The following PARD3 variants were observed in gnomAD, a reference collection of about 807,000 sequenced individuals.
PARD3 encodes partitioning defective 3 homolog.
A neutral mutation model predicts 155.4 loss-of-function variants in PARD3; 75 were observed. That is an observed-to-expected ratio of 0.48 (90% CI 0.40 to 0.58). The LOEUF (loss-of-function observed/expected upper bound fraction) is 0.58, where lower values mean the gene tolerates loss of function less well. PARD3 is among the 20% of genes least tolerant of loss of function. The pLI is 0.00. For synonymous variants in PARD3, 576 were observed against 610.5 expected (o/e 0.94, Z 0.83); for missense variants, 1,642 against 1,721.7 (o/e 0.95, Z 0.82).
intron 1 of PARD3, among the ~76,000 whole-genome samples, chr10:34,755,769 C>CT (rs72386420): frequency 6.6e-5 from 10 of 151,792 alleles, no homozygotes; most frequent in African/African-American, 1.2e-4. Flanking sequence ...ATATAACATG[C>CT]TTTTTTTTGC....
chr10:34,710,916 G>A (rs1257964893), intron 1 of PARD3, among the ~76,000 whole-genome samples: 5 of 152,040 alleles, frequency 3.3e-5, no homozygotes, highest in Non-Finnish European at 5.9e-5. Context: ...TAACTGGCAC[G>A]CATAACCTCA....
chr10:34,688,853 A>G (rs975764517), intron 2 of PARD3, among the ~76,000 whole-genome samples: 3 of 152,158 alleles, frequency 2.0e-5, no homozygotes, highest in African/African-American at 4.8e-5. Flanking sequence ...TCCCCTCCAT[A>G]AAAAATAAGT....
chr10:34,684,205 T>C (rs1411336166), intron 2 of PARD3, among the ~76,000 whole-genome samples: 1 of 152,118 alleles, frequency 6.6e-6, no homozygotes, highest in Non-Finnish European at 1.5e-5. Context: ...GAATATGGAG[T>C]GGACAGTGAA....
chr10:34,614,826 C>A (rs906152866), intron 2 of PARD3, among the ~76,000 whole-genome samples: 11 of 152,062 alleles, frequency 7.2e-5, no homozygotes, highest in Non-Finnish European at 1.5e-4. Flanking sequence ...CCTCAAATAG[C>A]CAAAGTGACA....
intron 22 of PARD3, among the ~76,000 whole-genome samples, chr10:34,190,915 C>T (rs1950678414): frequency 6.6e-6 from 1 of 151,968 alleles, no homozygotes; most frequent in Non-Finnish European, 1.5e-5. Flanking sequence ...CTCGCGGGTC[C>T]TGTAGTTCAA....
chr10:34,601,109 C>A (rs1382425797), intron 2 of PARD3, among the ~76,000 whole-genome samples: 1 of 151,064 alleles, frequency 6.6e-6, no homozygotes, highest in African/African-American at 2.4e-5. Context: ...TTGTGCCAAG[C>A]CTAAATTTTA....
intron 22 of PARD3, among the ~76,000 whole-genome samples, chr10:34,155,996 A>G (rs1468366791): frequency 6.6e-6 from 1 of 152,054 alleles, no homozygotes; most frequent in Non-Finnish European, 1.5e-5. Context: ...GGCTGCTCCC[A>G]CTCTGATAAT....
chr10:34,754,155 C>T (rs998642007), intron 1 of PARD3, among the ~76,000 whole-genome samples: 4 of 152,140 alleles, frequency 2.6e-5, no homozygotes, highest in Non-Finnish European at 5.9e-5. Context: ...ACTATAAACA[C>T]ATGCCACCAT....
At chr10:34,162,107 G>A (rs142415634) in intron 22 of PARD3, among the ~76,000 whole-genome samples, 79 of 151,078 alleles carry the variant, frequency 5.2e-4, no homozygotes, top group African/African-American at 1.9e-3. Context: ...AAGAATCTCC[G>A]ACCCACCCCC....
intron 2 of PARD3, among the ~76,000 whole-genome samples, chr10:34,657,073 C>T (rs886211207): frequency 6.6e-6 from 1 of 152,076 alleles, no homozygotes; most frequent in Non-Finnish European, 1.5e-5. Context: ...TCAAATAAGG[C>T]CCAGGTCTGT....
At chr10:34,767,139 C>T (rs1838202881) in intron 1 of PARD3, among the ~76,000 whole-genome samples, 1 of 152,130 alleles carries the variant, frequency 6.6e-6, no homozygotes, top group Non-Finnish European at 1.5e-5. Context: ...ATATTCAGCA[C>T]CCACTATGGG....
chr10:34,755,976 A>G (rs1314595201), intron 1 of PARD3, among the ~76,000 whole-genome samples: 2 of 151,968 alleles, frequency 1.3e-5, no homozygotes, highest in East Asian at 3.9e-4. Flanking sequence ...AACCATGAAG[A>G]TGCCCATGGT....
intron 1 of PARD3, among the ~76,000 whole-genome samples, chr10:34,807,407 A>G (rs1843543951): frequency 6.6e-6 from 1 of 152,108 alleles, no homozygotes; most frequent in African/African-American, 2.4e-5. Flanking sequence ...ATAACCATAA[A>G]CTCCATCCAT....
chr10:34,686,152 G>T (rs755355869), intron 2 of PARD3, among the ~76,000 whole-genome samples: 54 of 152,242 alleles, frequency 3.5e-4, no homozygotes, highest in Middle Eastern at 6.8e-3. Flanking sequence ...AACTACAATT[G>T]TTACAAATGT....
intron 1 of PARD3, among the ~76,000 whole-genome samples, chr10:34,791,129 G>A (rs1262361593): frequency 1.3e-5 from 2 of 152,214 alleles, no homozygotes; most frequent in African/African-American, 4.8e-5. Flanking sequence ...TCCAGTAAGA[G>A]CATTCAAAAC....
chr10:34,144,957 G>A (rs1588919713), intron 22 of PARD3, among the ~76,000 whole-genome samples: 1 of 151,748 alleles, frequency 6.6e-6, no homozygotes, highest in Non-Finnish European at 1.5e-5. Flanking sequence ...GCACACATTC[G>A]GTGGCTGCCT....
At chr10:34,304,455 T>A (rs999758594) in intron 20 of PARD3, among the ~76,000 whole-genome samples, 3 of 152,198 alleles carry the variant, frequency 2.0e-5, no homozygotes, top group Non-Finnish European at 4.4e-5. Flanking sequence ...ACTTCTGCAT[T>A]TCCAAGCTAG....
chr10:34,785,460 A>G (rs1564617747), intron 1 of PARD3, among the ~76,000 whole-genome samples: 1 of 152,112 alleles, frequency 6.6e-6, no homozygotes, highest in Non-Finnish European at 1.5e-5. Flanking sequence ...TAGAAAGAAA[A>G]AGAGTCCAGG....
At chr10:34,157,780 A>T (rs1434989133) in intron 22 of PARD3, among the ~76,000 whole-genome samples, 1 of 152,198 alleles carries the variant, frequency 6.6e-6, no homozygotes, top group Non-Finnish European at 1.5e-5. Flanking sequence ...GATACACATA[A>T]AACGGTGACA....
Sources: gnomAD v4.1 joint callset for allele counts (sites outside exome capture counted in the v4.1 genomes callset) on GRCh38, gnomAD v4.1.1 for gene constraint, MANE v1.5 for transcripts, NCBI Gene and HGNC (gene_info 2026-07-23, HGNC 2026-07-21) for gene names.